Variants in FTO observed in about 807,000 individuals in gnomAD.
The protein encoded by FTO is alpha-ketoglutarate-dependent dioxygenase FTO.
In FTO, 47 loss-of-function variants were observed where a neutral mutation model predicts 63.9. That is an observed-to-expected ratio of 0.74 (90% CI 0.58 to 0.94). The LOEUF (loss-of-function observed/expected upper bound fraction) is 0.94. Among genes scored for constraint, FTO ranks in the 40% least tolerant of loss-of-function variants. The pLI is 0.00. For synonymous variants in FTO, 207 were observed against 224.4 expected (o/e 0.92, Z 0.69); for missense variants, 562 against 618.1 (o/e 0.91, Z 0.96).
intron 1 of FTO, among the ~76,000 whole-genome samples, chr16:53,706,559 C>T (rs1317929034): frequency 1.3e-5 from 2 of 151,992 alleles, no homozygotes; most frequent in Admixed American, 6.6e-5. Context: ...TTTCATTCAG[C>T]GTAATGATTT....
rs549381655 is a variant in FTO, at chr16:53,758,893, A to T, written c.46-51247A>T. Among the ~76,000 whole-genome samples the T allele has an allele frequency of 5.6e-4, 80 of 142,998 alleles. 1 individual carries two copies. The highest frequency in any genetic ancestry group is 1.7e-3 in the African/African-American group (70 of 40,426). The allele number at this position is 142,998 out of a possible 152,430, so 93.8% of individuals were successfully genotyped here. A position where few individuals can be genotyped will look rare whatever the true frequency, so the allele number is the denominator to read the frequency against. The stretch of plus-strand genomic sequence containing the variant: ...TGATAATGTATTGTTATACATTTTT[A>T]AAAATCTTATACATTTAAAAAAAAG... On this transcript the variant is annotated intron_variant, in intron 1 of 8. Coordinates refer to ENST00000471389, the MANE Select transcript of FTO (RefSeq NM_001080432.3).
intron 8 of FTO, chr16:54,071,781 A>G (rs2085878124): frequency 6.6e-6 from 1 of 152,184 alleles, no homozygotes; most frequent in African/African-American, 2.4e-5. Flanking sequence ...AATCAAAAAT[A>G]TTGATGTAAA....
intron 1 of FTO, among the ~76,000 whole-genome samples, chr16:53,793,298 A>AT (rs1276327339): frequency 1.1e-4 from 17 of 152,042 alleles, no homozygotes; most frequent in African/African-American, 4.1e-4. Flanking sequence ...CATCATATAC[A>AT]TTTTTCTCTT....
intron 8 of FTO, among the ~76,000 whole-genome samples, chr16:54,025,240 ACT>A (rs1410002118): frequency 6.6e-6 from 1 of 152,212 alleles, no homozygotes; most frequent in Non-Finnish European, 1.5e-5. Flanking sequence ...CACTGTTAAT[ACT>A]AGAAGATAGA....
At position 53,895,096 on chromosome 16, in the gene FTO, C is replaced by G. The variant is rs186081027; in HGVS notation, c.1239+6145C>G. Among the ~76,000 whole-genome samples, 24 of 152,250 alleles carry G rather than the reference C, an allele frequency of 1.6e-4. 1 individual carries two copies. The highest frequency in any genetic ancestry group is 1.6e-3 in the Admixed American group (24 of 15,282). On this transcript the variant is annotated intron_variant, in intron 7 of 8. Transcript: ENST00000471389. Reference sequence around the variant, plus strand: ...CTTTCCATTCTCCTTCCTACCCACCCACTCTAATTCCCCACCCACTCCAAT... The same window carrying G: ...CTTTCCATTCTCCTTCCTACCCACCGACTCTAATTCCCCACCCACTCCAAT...
chr16:54,059,424 T>C (rs1416207130), intron 8 of FTO, among the ~76,000 whole-genome samples: 1 of 152,198 alleles, frequency 6.6e-6, no homozygotes, highest in African/African-American at 2.4e-5. Flanking sequence ...AAATGTCATA[T>C]ATCATCCCAG....
intron 7 of FTO, among the ~76,000 whole-genome samples, chr16:53,903,308 G>A (rs2081450919): frequency 6.6e-6 from 1 of 151,136 alleles, no homozygotes; most frequent in African/African-American, 2.4e-5. Context: ...GCCCAGGCTG[G>A]AGTGCAATGG....
Position 53,936,875 on chromosome 16 carries a change from G to A in FTO, c.1364+2766G>A, listed in dbSNP as rs1367681552. Among the ~76,000 whole-genome samples, 10 of 152,188 alleles carry A rather than the reference G, an allele frequency of 6.6e-5. 1 individual carries two copies. Among genetic ancestry groups the A allele is most frequent in the Admixed American group, 5.9e-4 (9 of 15,274 alleles). On this transcript the variant is annotated intron_variant, in intron 8 of 8. Coordinates refer to ENST00000471389, the MANE Select transcript of FTO (RefSeq NM_001080432.3). The stretch of plus-strand genomic sequence containing the variant: ...GCCGCCGCAGCTGGCAGTAACTTTA[G>A]TATAAGTCTTTTGTAATAAAGGTTT...
chr16:53,962,923 G>A (rs1338173985), intron 8 of FTO, among the ~76,000 whole-genome samples: 1 of 152,012 alleles, frequency 6.6e-6, no homozygotes, highest in African/African-American at 2.4e-5. Context: ...TATATGAGAT[G>A]GGTAGATTAT....
At chr16:54,011,092 A>C (rs1286431262) in intron 8 of FTO, among the ~76,000 whole-genome samples, 1 of 152,216 alleles carries the variant, frequency 6.6e-6, no homozygotes, top group Non-Finnish European at 1.5e-5. Context: ...TCTGCACCCC[A>C]GATAACCCCC....
At chr16:53,874,572 T>C (rs10521305) in intron 5 of FTO, among the ~76,000 whole-genome samples, 6,674 of 152,310 alleles carry the variant, frequency 0.044, 198 homozygotes, top group Non-Finnish European at 0.061. Context: ...CTTTGCTTTA[T>C]AGCTTGACCT....
intron 1 of FTO, among the ~76,000 whole-genome samples, chr16:53,808,292 C>T (rs1387136894): frequency 2.0e-5 from 3 of 151,916 alleles, no homozygotes. Flanking sequence ...TGTGATTGGG[C>T]CACTACACTT....
intron 6 of FTO, among the ~76,000 whole-genome samples, chr16:53,886,651 T>C (rs1481723941): frequency 1.3e-5 from 2 of 152,248 alleles, no homozygotes; most frequent in Non-Finnish European, 2.9e-5. Flanking sequence ...TTTAAACAAC[T>C]TTAACTGAAA....
In FTO at chr16:54,115,804, A is replaced by T. The variant is rs2086971112; in HGVS notation, c.*3889A>T. 1 of 152,264 alleles carries T rather than the reference A, an allele frequency of 6.6e-6. No individual in the cohort carries two copies. The highest frequency in any genetic ancestry group is 1.5e-5 in the Non-Finnish European group (1 of 68,074). The allele number at this position is 152,264 out of a possible 1,614,324, so 9.4% of individuals were successfully genotyped here. A position where few individuals can be genotyped will look rare whatever the true frequency, so the allele number is the denominator to read the frequency against. On this transcript the variant is annotated 3_prime_UTR_variant, in exon 9 of 9. Coordinates refer to ENST00000471389, the MANE Select transcript of FTO (RefSeq NM_001080432.3). ...GTGAGATATTTTTATGCATTAGATC[A>T]TCGCTCTATCTGGATTCCAGAGGGT...
intron 7 of FTO, among the ~76,000 whole-genome samples, chr16:53,910,909 A>G (rs1031590178): frequency 1.3e-5 from 2 of 152,230 alleles, no homozygotes; most frequent in Non-Finnish European, 2.9e-5. Context: ...ATGAAGTCAC[A>G]GGCAATTTTA....
chr16:54,056,767 A>G (rs2085444551), intron 8 of FTO, among the ~76,000 whole-genome samples: 1 of 152,204 alleles, frequency 6.6e-6, no homozygotes, highest in Non-Finnish European at 1.5e-5. Context: ...CTTATGAGAA[A>G]CCCTAAAACC....
chr16:54,005,721 A>G (rs28714203), intron 8 of FTO, among the ~76,000 whole-genome samples: 208 of 152,322 alleles, frequency 1.4e-3, no homozygotes, highest in African/African-American at 4.8e-3. Context: ...AAAAGGATCA[A>G]ACATAATCCT....
Position 53,795,841 on chromosome 16 carries a change from AG to A in FTO, c.46-14295del, listed in dbSNP as rs1211641026. On this transcript the variant is annotated intron_variant, in intron 1 of 8. Transcript: ENST00000471389. Reference sequence around the variant, plus strand: ...ATATACTAATATATTCAAAATGCTAAGGGGAAGTTATAGTTAATTTTGATTT... The same window carrying A: ...ATATACTAATATATTCAAAATGCTAAGGGAAGTTATAGTTAATTTTGATTT... Among the ~76,000 whole-genome samples, 11 of 152,294 alleles carry A rather than the reference AG, an allele frequency of 7.2e-5. No individual in the cohort carries two copies. In the East Asian group the frequency reaches 2.1e-3, roughly 29 times the overall value.
chr16:53,937,203 A>G (rs2082409930), intron 8 of FTO: 1 of 398,282 alleles, frequency 2.5e-6, no homozygotes, highest in Non-Finnish European at 4.4e-6. Flanking sequence ...CCCATAAACA[A>G]CCCTCTCCAA....
Sources: allele counts gnomAD v4.1 joint callset (sites outside exome capture counted in the v4.1 genomes callset), GRCh38; gene constraint gnomAD v4.1.1; transcripts MANE v1.5; gene names NCBI Gene and HGNC (gene_info 2026-07-23, HGNC 2026-07-21).